FNDC3B: variants seen among roughly 807,000 people sequenced by gnomAD.
The protein encoded by FNDC3B is fibronectin type III domain containing 3B.
FNDC3B carries 12 observed loss-of-function variants against 151.5 expected under a neutral mutation model. The ratio of observed to expected loss-of-function variants is 0.08; its 90% CI spans 0.05 to 0.13. The LOEUF is 0.13. FNDC3B is among the 10% of genes least tolerant of loss of function. The probability of loss-of-function intolerance (pLI) is 1.00; values close to 1 mark genes in which losing one functional copy is unlikely to be tolerated. For synonymous variants in FNDC3B, 528 were observed against 549.0 expected (o/e 0.96, Z 0.54); for missense variants, 1,214 against 1,505.3 (o/e 0.81, Z 3.20).
intron 3 of FNDC3B, among the ~76,000 whole-genome samples, chr3:172,181,785 C>T (rs866589326): frequency 2.1e-4 from 30 of 143,578 alleles, no homozygotes; most frequent in South Asian, 6.7e-4. Context: ...GCCGAGATCA[C>T]GCCACTGCAC....
chr3:172,199,433 C>T (rs905368375), intron 3 of FNDC3B, among the ~76,000 whole-genome samples: 1 of 152,070 alleles, frequency 6.6e-6, no homozygotes, highest in Non-Finnish European at 1.5e-5. Context: ...CCCGCCTCGG[C>T]CTCCCAAAGT....
chr3:172,093,965 T>G (rs1198928047), intron 1 of FNDC3B, among the ~76,000 whole-genome samples: 34 of 152,218 alleles, frequency 2.2e-4, no homozygotes. Flanking sequence ...AAATTTAATA[T>G]TTTTAGCATA....
At chr3:172,357,622 A>G (rs1734156380) in intron 22 of FNDC3B, among the ~76,000 whole-genome samples, 1 of 152,222 alleles carries the variant, frequency 6.6e-6, no homozygotes, top group African/African-American at 2.4e-5. Flanking sequence ...ACCAAAACAA[A>G]CAGTAACTGC....
chr3:172,233,123 G>GT (rs772529620), intron 4 of FNDC3B, among the ~76,000 whole-genome samples: 28 of 152,236 alleles, frequency 1.8e-4, no homozygotes, highest in Non-Finnish European at 2.6e-4. Context: ...GATGCTTTGA[G>GT]TTTTATTTTC....
chr3:172,154,510 G>A (rs768643266), intron 3 of FNDC3B, among the ~76,000 whole-genome samples: 3 of 152,116 alleles, frequency 2.0e-5, no homozygotes, highest in Non-Finnish European at 2.9e-5. Context: ...CCAGGCTATG[G>A]TTTCTTCTAA....
In FNDC3B at chr3:172,112,518, G is replaced by A; in HGVS notation, c.39G>A (p.Leu13=). Residue 13 remains leucine, a synonymous_variant, in exon 2 of 26, where the codon CTG becomes CTA. Transcript: ENST00000415807. ...VTMMMTDQIP[L]ELPPLLNGEV... is the part of the protein sequence containing the mutation. ...TGATGATGACCGACCAAATCCCTCT[G>A]GAACTGCCACCATTGCTGAACGGAG... is the stretch of plus-strand genomic sequence containing the variant. The A allele has an allele frequency of 6.2e-7, 1 of 1,614,086 alleles. No homozygotes were observed. Among genetic ancestry groups the A allele is most frequent in the Non-Finnish European group, 8.5e-7 (1 of 1,179,952 alleles).
In FNDC3B at chr3:172,185,875, T is replaced by G. The variant is rs542381405; in HGVS notation, c.188-40996T>G. 5.8e-4 allele frequency among the ~76,000 whole-genome samples: 89 copies of G among 152,358 alleles called. 1 individual carries two copies. In the Middle Eastern group the frequency reaches 0.031, roughly 52 times the overall value. On this transcript the variant is annotated intron_variant, in intron 3 of 25. Transcript: ENST00000415807. ...TTTGCCACTCTCAAATTCAGTCCAG[T>G]AAGTGTATTGAATTTTCACCAAATG...
intron 22 of FNDC3B, among the ~76,000 whole-genome samples, chr3:172,354,348 A>G (rs927308348): frequency 2.4e-4 from 36 of 151,980 alleles, no homozygotes. Context: ...TAATAATAGT[A>G]CATTTTATAT....
chr3:172,201,766 G>T (rs79654628), intron 3 of FNDC3B, among the ~76,000 whole-genome samples: 1 of 152,320 alleles, frequency 6.6e-6, no homozygotes, highest in East Asian at 1.9e-4. Context: ...TCATGGCAGG[G>T]TTACCAGATT....
chr3:172,143,752 T>C (rs1431346631), intron 3 of FNDC3B, among the ~76,000 whole-genome samples: 1 of 151,728 alleles, frequency 6.6e-6, no homozygotes, highest in Non-Finnish European at 1.5e-5. Flanking sequence ...CAACTAAAAA[T>C]ACAAAAATTA....
At chr3:172,109,357 G>A (rs955975645) in intron 1 of FNDC3B, among the ~76,000 whole-genome samples, 16 of 151,868 alleles carry the variant, frequency 1.1e-4, no homozygotes, top group South Asian at 2.1e-4. Flanking sequence ...TAGTAGAGAC[G>A]GGGTTTCACC....
chr3:172,337,062 C>T (rs1395786555), intron 15 of FNDC3B, among the ~76,000 whole-genome samples: 1 of 151,976 alleles, frequency 6.6e-6, no homozygotes, highest in African/African-American at 2.4e-5. Context: ...CAGTTTGTGC[C>T]GAGTTTTTTG....
chr3:172,239,932 G>A (rs1218854217), intron 4 of FNDC3B, among the ~76,000 whole-genome samples: 14 of 126,570 alleles, frequency 1.1e-4, no homozygotes, highest in African/African-American at 3.6e-4. Flanking sequence ...GCAGTGACGC[G>A]ATCTTGGCTC....
At chr3:172,275,416 C>A (rs903865625) in intron 6 of FNDC3B, among the ~76,000 whole-genome samples, 3 of 152,134 alleles carry the variant, frequency 2.0e-5, no homozygotes, top group African/African-American at 7.2e-5. Context: ...TAAGAGAATC[C>A]TTTATTTTAT....
intron 2 of FNDC3B, among the ~76,000 whole-genome samples, chr3:172,117,833 ATTC>A (rs1720341191): frequency 6.6e-6 from 1 of 152,190 alleles, no homozygotes; most frequent in South Asian, 2.1e-4. Context: ...TAATTCTTCT[ATTC>A]TTCTAGAATA....
chr3:172,104,211 A>T (rs953983258), intron 1 of FNDC3B, among the ~76,000 whole-genome samples: 2 of 152,110 alleles, frequency 1.3e-5, no homozygotes, highest in Non-Finnish European at 2.9e-5. Context: ...TATGCAGGGT[A>T]AGCAATTGGT....
intron 3 of FNDC3B, among the ~76,000 whole-genome samples, chr3:172,158,783 A>T (rs890600670): frequency 6.6e-6 from 1 of 152,102 alleles, no homozygotes; most frequent in Non-Finnish European, 1.5e-5. Flanking sequence ...ATGGAAGTCT[A>T]TGATTAATTG....
Position 172,353,198 on chromosome 3 carries a change from A to C in FNDC3B, c.2795+115A>C, listed in dbSNP as rs565874455. The C allele has an allele frequency of 5.1e-6, 5 of 980,186 alleles. No homozygotes were observed. In the East Asian group the frequency reaches 1.3e-4, roughly 25 times the overall value. 60.7% of individuals were successfully genotyped at this position (980,186 alleles called of 1,614,324 possible). On this transcript the variant is annotated intron_variant, in intron 22 of 25. Transcript: ENST00000415807. Reference sequence around the variant, plus strand: ...ATCTCCCAGCTGTTTCTAAGAGCCCAGATGTCCAGAGTATTGTCTCACCTT... The same window carrying C: ...ATCTCCCAGCTGTTTCTAAGAGCCCCGATGTCCAGAGTATTGTCTCACCTT...
chr3:172,126,246 G>A (rs147508821), intron 2 of FNDC3B, among the ~76,000 whole-genome samples: 4 of 152,142 alleles, frequency 2.6e-5, no homozygotes, highest in Non-Finnish European at 5.9e-5. Flanking sequence ...GCTTGTATGT[G>A]CTGAGGGTGT....
Sources: allele counts gnomAD v4.1 joint callset (sites outside exome capture counted in the v4.1 genomes callset), GRCh38; gene constraint gnomAD v4.1.1; transcripts MANE v1.5; gene names NCBI Gene and HGNC (gene_info 2026-07-23, HGNC 2026-07-21).